The following ANKRD31 variants were observed in gnomAD, a reference collection of about 807,000 sequenced individuals.
ANKRD31 encodes the protein ankyrin repeat domain-containing protein 31.
In ANKRD31, 147 loss-of-function variants were observed where a neutral mutation model predicts 186.0. The observed-to-expected ratio is 0.79, with a 90% CI of 0.69 to 0.91. The LOEUF is 0.91. Among genes scored for constraint, ANKRD31 ranks in the 40% least tolerant of loss-of-function variants. The pLI, the probability that ANKRD31 is intolerant of heterozygous loss-of-function variation, is 0.00. For missense variants in ANKRD31, 1,986 were observed against 2,148.8 expected (o/e 0.92, Z 1.50); for synonymous variants, 673 against 736.4 (o/e 0.91, Z 1.39).
intron 7 of ANKRD31, among the ~76,000 whole-genome samples, chr5:75,194,877 G>A (rs1375125877): frequency 6.6e-6 from 1 of 152,118 alleles, no homozygotes; most frequent in African/African-American, 2.4e-5. Flanking sequence ...TACCTCTAAA[G>A]AGTGAAACTG....
rs531431955 is a variant in ANKRD31 at position 75,206,995 on chromosome 5, T to A, written c.327-508A>T. Among the ~76,000 whole-genome samples the A allele has an allele frequency of 1.7e-4, 26 of 152,226 alleles. No individual in the cohort carries two copies. In the South Asian group the frequency reaches 3.9e-3, roughly 23 times the overall value. On this transcript the variant is annotated intron_variant, in intron 4 of 25. Coordinates refer to ENST00000506364, the MANE Select transcript of ANKRD31 (RefSeq NM_001372053.1). ...GAGGAAGTTAAAAGCAAAATAAGGG[T>A]CATGCCTAATCTGCAATTTTCATCA...
intron 10 of ANKRD31, among the ~76,000 whole-genome samples, chr5:75,172,625 C>T (rs1427492015): frequency 6.6e-6 from 1 of 152,168 alleles, no homozygotes; most frequent in African/African-American, 2.4e-5. Context: ...CGCAAATCAA[C>T]TAGAAAATCT....
chr5:75,074,769 T>A (rs1744499794), intron 25 of ANKRD31, among the ~76,000 whole-genome samples: 1 of 152,218 alleles, frequency 6.6e-6, no homozygotes, highest in African/African-American at 2.4e-5. Flanking sequence ...CAAACTGATT[T>A]CAAATTTTTG....
intron 2 of ANKRD31, among the ~76,000 whole-genome samples, chr5:75,230,117 C>T (rs12652824): frequency 0.5 from 76,324 of 151,376 alleles, 22,143 homozygotes; most frequent in African/African-American, 0.81. Flanking sequence ...GGACTGGCCT[C>T]CAGTCCGGGG....
chr5:75,137,576 TA>T (rs1270725413), intron 17 of ANKRD31, among the ~76,000 whole-genome samples: 9 of 152,164 alleles, frequency 5.9e-5, no homozygotes, highest in African/African-American at 1.7e-4. Context: ...CTTAGACAAT[TA>T]AAAATATAAT....
chr5:75,135,747 C>T (rs555190201), intron 17 of ANKRD31, among the ~76,000 whole-genome samples: 13 of 152,272 alleles, frequency 8.5e-5, no homozygotes, highest in East Asian at 1.9e-4. Context: ...GCAGGCATCA[C>T]GCTGCCTGCC....
intron 10 of ANKRD31, among the ~76,000 whole-genome samples, chr5:75,180,982 A>T (rs1754240958): frequency 6.6e-6 from 1 of 151,972 alleles, no homozygotes; most frequent in Non-Finnish European, 1.5e-5. Flanking sequence ...CAACCTACTC[A>T]TCTGACAAAG....
chr5:75,222,513 T>C (rs1181231677), intron 2 of ANKRD31, among the ~76,000 whole-genome samples, 155 bp from the exon 3 acceptor site: 1 of 151,924 alleles, frequency 6.6e-6, no homozygotes, highest in Non-Finnish European at 1.5e-5. Flanking sequence ...GAGATATATG[T>C]GCAGAACGTG....
At chr5:75,151,478 T>TA (rs2150153902) in intron 12 of ANKRD31, among the ~76,000 whole-genome samples, 1 of 152,148 alleles carries the variant, frequency 6.6e-6, no homozygotes, top group Non-Finnish European at 1.5e-5. Flanking sequence ...GATGGTTTTA[T>TA]AAAGGGCTGT....
At chr5:75,129,906 C>A (rs1277865026) in intron 17 of ANKRD31, among the ~76,000 whole-genome samples, 1 of 152,152 alleles carries the variant, frequency 6.6e-6, no homozygotes, top group African/African-American at 2.4e-5. Context: ...ACAGATGGTA[C>A]CTGGAAAATC....
intron 17 of ANKRD31, among the ~76,000 whole-genome samples, chr5:75,121,274 T>C (rs2150089321): frequency 6.6e-6 from 1 of 151,554 alleles, no homozygotes; most frequent in East Asian, 1.9e-4. Context: ...ATTAAATACA[T>C]ATGTACTCAA....
Position 75,196,019 on chromosome 5 carries a change from G to A in ANKRD31, c.629C>T (p.Thr210Ile), listed in dbSNP as rs1755445054. Residue 210 changes from threonine to isoleucine, a missense_variant, in exon 7 of 26, where the codon ACT becomes ATT. Coordinates refer to ENST00000506364, the MANE Select transcript of ANKRD31 (RefSeq NM_001372053.1). Reference protein sequence around the residue: ...EVTMTMTSEETKDEESSLETF... With the variant: ...EVTMTMTSEEIKDEESSLETF... ...TTCAAGAGAGCTTTCTTCATCCTTA[G>A]TTTCTTCAGAAGTCATGGTCATTGT... The A allele has an allele frequency of 6.5e-7, 1 of 1,533,566 alleles. No homozygotes were observed. Among genetic ancestry groups the A allele is most frequent in the African/African-American group, 1.4e-5 (1 of 72,722 alleles). 95.0% of individuals were successfully genotyped at this position (1,533,566 alleles called of 1,614,324 possible).
intron 3 of ANKRD31, among the ~76,000 whole-genome samples, chr5:75,216,557 A>G (rs1756972061): frequency 6.6e-6 from 1 of 152,158 alleles, no homozygotes; most frequent in Non-Finnish European, 1.5e-5. Flanking sequence ...GAGTTATTAG[A>G]AGGCAAATAT....
chr5:75,135,469 G>A (rs1750495012), intron 17 of ANKRD31, among the ~76,000 whole-genome samples: 1 of 152,164 alleles, frequency 6.6e-6, no homozygotes, highest in Non-Finnish European at 1.5e-5. Flanking sequence ...GGGATGTGAA[G>A]GGCCTCTTCA....
At chr5:75,198,460 G>T (rs781612785) in intron 6 of ANKRD31, among the ~76,000 whole-genome samples, 19 of 152,122 alleles carry the variant, frequency 1.2e-4, no homozygotes, top group African/African-American at 4.1e-4. Flanking sequence ...AAAAATACTT[G>T]GTTGAGCAAA....
chr5:75,201,624 T>C (rs970265339), intron 5 of ANKRD31, among the ~76,000 whole-genome samples: 1 of 152,082 alleles, frequency 6.6e-6, no homozygotes, highest in African/African-American at 2.4e-5. Flanking sequence ...TTCAAAACTA[T>C]AAAGCAAAAA....
chr5:75,136,149 C>T (rs1750556979), intron 17 of ANKRD31, among the ~76,000 whole-genome samples: 2 of 152,090 alleles, frequency 1.3e-5, no homozygotes, highest in South Asian at 4.1e-4. Context: ...CAACAAAAGC[C>T]AAAGTTGACA....
At position 75,205,155 on chromosome 5, in the gene ANKRD31, C is replaced by T. The variant is rs1467341241; in HGVS notation, c.403+1256G>A. 2.0e-5 allele frequency among the ~76,000 whole-genome samples: 3 copies of T among 152,224 alleles called. No individual in the cohort carries two copies. In the East Asian group the frequency reaches 5.8e-4, roughly 29 times the overall value. The stretch of plus-strand genomic sequence containing the variant: ...TGCTGGGATTACAGGTGTGAGCCAC[C>T]ACATCCAGCCCATCCTTAAACATCC... On this transcript the variant is annotated intron_variant, in intron 5 of 25. Transcript: ENST00000506364.
intron 11 of ANKRD31, among the ~76,000 whole-genome samples, chr5:75,167,519 C>T (rs1350016261): frequency 6.6e-6 from 1 of 152,204 alleles, no homozygotes; most frequent in Non-Finnish European, 1.5e-5. Flanking sequence ...TCTTGTCATT[C>T]TCTTCTCTCA....
Sources: gnomAD v4.1 joint callset for allele counts (sites outside exome capture counted in the v4.1 genomes callset) on GRCh38, gnomAD v4.1.1 for gene constraint, MANE v1.5 for transcripts, NCBI Gene and HGNC (gene_info 2026-07-23, HGNC 2026-07-21) for gene names.